Variants in EXOC4 observed in about 807,000 individuals in gnomAD.
EXOC4 encodes SEC8-like 1.
EXOC4 carries 71 observed loss-of-function variants against 107.2 expected under a neutral mutation model. The observed-to-expected ratio is 0.66, with a 90% CI of 0.55 to 0.81. The LOEUF (loss-of-function observed/expected upper bound fraction) is 0.81. Ranked by LOEUF, EXOC4 falls within the 30% of genes least tolerant of loss-of-function variation. The pLI is 0.00. For missense variants in EXOC4, 1,108 were observed against 1,189.6 expected, an observed-to-expected ratio of 0.93 and a Z score of 1.01; for synonymous variants, 456 against 441.2, an observed-to-expected ratio of 1.03 and a Z score of -0.42.
intron 9 of EXOC4, among the ~76,000 whole-genome samples, chr7:133,589,480 C>T (rs1218718480): frequency 2.0e-5 from 3 of 152,198 alleles, no homozygotes; most frequent in Non-Finnish European, 4.4e-5. Flanking sequence ...TGTCCTGTCT[C>T]CTGCTACAGT....
intron 3 of EXOC4, among the ~76,000 whole-genome samples, chr7:133,298,862 A>G (rs1794580721): frequency 6.6e-6 from 1 of 152,194 alleles, no homozygotes; most frequent in Admixed American, 6.6e-5. Flanking sequence ...GATACTTATC[A>G]CAGTAAGATC....
chr7:133,830,064 C>G (rs957404869), intron 11 of EXOC4, among the ~76,000 whole-genome samples: 1 of 152,176 alleles, frequency 6.6e-6, no homozygotes, highest in Non-Finnish European at 1.5e-5. Context: ...TGAGTATTCA[C>G]TTGCAAATAG....
downstream of EXOC4, among the ~76,000 whole-genome samples, chr7:134,067,885 T>A (rs1000231823): frequency 8.5e-5 from 13 of 152,166 alleles, no homozygotes; most frequent in African/African-American, 2.9e-4. Context: ...GCGGTGTTTT[T>A]ATTCCTACCT....
intron 10 of EXOC4, among the ~76,000 whole-genome samples, chr7:133,716,706 G>A (rs2151101884): frequency 6.6e-6 from 1 of 152,296 alleles, no homozygotes; most frequent in Admixed American, 6.5e-5. Context: ...ACTTTGGGAG[G>A]ACAAGGCAGG....
chr7:133,488,796 A>G lies in EXOC4; in HGVS notation c.1417+8658A>G, dbSNP rs541035223. Among the ~76,000 whole-genome samples, 33 of 152,104 alleles carry G rather than the reference A, an allele frequency of 2.2e-4. No homozygotes were observed. The South Asian group carries it at 3.5e-3, about 16-fold the overall frequency. On this transcript the variant is annotated intron_variant, in intron 9 of 17. Coordinates refer to ENST00000253861, the MANE Select transcript of EXOC4 (RefSeq NM_021807.4). ...TTGTAGAGTCACAAAGTAGAATACT[A>G]TGTAGCAATGAAAATGAATGAACTA...
In EXOC4 at chr7:133,734,042, T is replaced by G. The variant is rs537685849; in HGVS notation, c.1515-83283T>G. ...AACTCCATAATTGACATTCTGTCAC[T>G]GCTCAGACTTTATTTCATTCCTGCT... On this transcript the variant is annotated intron_variant, in intron 10 of 17. Coordinates refer to ENST00000253861, the MANE Select transcript of EXOC4 (RefSeq NM_021807.4). 9.0e-4 allele frequency among the ~76,000 whole-genome samples: 137 copies of G among 152,362 alleles called. No individual in the cohort carries two copies. In the Middle Eastern group the frequency reaches 0.024, roughly 26 times the overall value.
chr7:134,007,553 A>C (rs1163928524), intron 16 of EXOC4, 123 bp from the exon 17 acceptor site: 2 of 857,830 alleles, frequency 2.3e-6, no homozygotes, highest in Admixed American at 3.5e-5. Context: ...TCAGAGGTAG[A>C]TTTTCTTTGG....
intron 9 of EXOC4, among the ~76,000 whole-genome samples, chr7:133,522,021 A>G (rs1330741247): frequency 6.6e-6 from 1 of 151,496 alleles, no homozygotes; most frequent in African/African-American, 2.4e-5. Context: ...GTAGTTTATG[A>G]CTCCTGTTTA....
At chr7:133,829,429 A>C (rs748756240) in intron 11 of EXOC4, among the ~76,000 whole-genome samples, 18 of 152,326 alleles carry the variant, frequency 1.2e-4, no homozygotes, top group South Asian at 6.2e-4. Flanking sequence ...GCAGGGATCC[A>C]CTAGTTCCGC....
chr7:133,571,542 C>T (rs925370657), intron 9 of EXOC4, among the ~76,000 whole-genome samples: 6 of 151,954 alleles, frequency 3.9e-5, no homozygotes, highest in Non-Finnish European at 7.4e-5. Context: ...TGGTGTCATG[C>T]GCCTGTAGTC....
intron 10 of EXOC4, among the ~76,000 whole-genome samples, chr7:133,651,371 AC>A (rs1210730684): frequency 5.8e-5 from 3 of 52,156 alleles, no homozygotes; most frequent in Non-Finnish European, 4.8e-5. Flanking sequence ...AAGAAAAAAA[AC>A]ACAACACCTA....
rs372357786 is a variant in EXOC4, at chr7:133,518,159, G to A, written c.1417+38021G>A. ...TCACGTTTGGGCTTGCATCATATTT[G>A]CTAGTATCCTGTAGTTTAACCCAGA... On this transcript the variant is annotated intron_variant, in intron 9 of 17. Transcript: ENST00000253861. Among the ~76,000 whole-genome samples the A allele has an allele frequency of 1.6e-4, 24 of 152,056 alleles. No homozygotes were observed. The South Asian group carries it at 4.4e-3, about 28-fold the overall frequency.
At chr7:133,861,595 C>T (rs1010259691) in intron 11 of EXOC4, among the ~76,000 whole-genome samples, 36 of 151,988 alleles carry the variant, frequency 2.4e-4, no homozygotes, top group African/African-American at 9.7e-5. Context: ...AGTGCAGTGG[C>T]GTGATCTCGG....
At chr7:133,659,768 C>T (rs1453616048) in intron 10 of EXOC4, among the ~76,000 whole-genome samples, 1 of 152,182 alleles carries the variant, frequency 6.6e-6, no homozygotes, top group Non-Finnish European at 1.5e-5. Context: ...TGGTGCTACA[C>T]TAAGGAAAGG....
At chr7:133,465,925 C>G (rs1215196664) in intron 7 of EXOC4, among the ~76,000 whole-genome samples, 1 of 152,072 alleles carries the variant, frequency 6.6e-6, no homozygotes, top group Non-Finnish European at 1.5e-5. Flanking sequence ...CACCAGAGGT[C>G]AGGAGTTGAA....
chr7:133,722,995 T>C (rs1795135481), intron 10 of EXOC4, among the ~76,000 whole-genome samples: 1 of 152,224 alleles, frequency 6.6e-6, no homozygotes, highest in South Asian at 2.1e-4. Context: ...TAGAGAAAAA[T>C]TCCTCTATGA....
intron 10 of EXOC4, among the ~76,000 whole-genome samples, chr7:133,787,159 TTTTTTTTTCTTTTC>T (rs1416472714): frequency 1.0e-4 from 11 of 107,584 alleles, no homozygotes; most frequent in South Asian, 7.7e-4. Flanking sequence ...TTTCTTTTCT[TTTTTTTTTCTTTTC>T]TTTTTTTTTT....
At chr7:133,703,887 C>G (rs138435795) in intron 10 of EXOC4, among the ~76,000 whole-genome samples, 115 of 152,348 alleles carry the variant, frequency 7.5e-4, no homozygotes, top group Non-Finnish European at 1.0e-3. Context: ...GTGAATTGCT[C>G]TGCTCCTTCA....
At chr7:133,767,729 G>C (rs1409847457) in intron 10 of EXOC4, among the ~76,000 whole-genome samples, 1 of 151,942 alleles carries the variant, frequency 6.6e-6, no homozygotes, top group Non-Finnish European at 1.5e-5. Flanking sequence ...GTCAGACCCT[G>C]CAAAATCAGA....
Sources: gnomAD v4.1 joint callset for allele counts (sites outside exome capture counted in the v4.1 genomes callset) on GRCh38, gnomAD v4.1.1 for gene constraint, MANE v1.5 for transcripts, NCBI Gene and HGNC (gene_info 2026-07-23, HGNC 2026-07-21) for gene names.